Variants in SDCCAG8 observed in about 807,000 individuals in gnomAD.
SDCCAG8 encodes the protein SHH signaling and ciliogenesis regulator SDCCAG8, also known as serologically defined colon cancer antigen 8.
Under a neutral mutation model 101.8 loss-of-function variants are expected in SDCCAG8, and 74 were observed. That is an observed-to-expected ratio of 0.73 (90% CI 0.60 to 0.88). SDCCAG8 has a LOEUF of 0.88. Among genes scored for constraint, SDCCAG8 ranks in the 40% least tolerant of loss-of-function variants. SDCCAG8 has a pLI of 0.00. For synonymous variants in SDCCAG8, 281 were observed against 292.9 expected (o/e 0.96, Z 0.41); for missense variants, 787 against 822.6 (o/e 0.96, Z 0.53).
chr1:243,351,421 A>G lies in SDCCAG8; in HGVS notation c.1473+7090A>G, dbSNP rs192889235. ...TTCTAGTTGAGGAGTCAGAGTACAC[A>G]TTAGAACATGCCTTAAGAATACTTG... is the stretch of plus-strand genomic sequence containing the variant. On this transcript the variant is annotated intron_variant, in intron 12 of 17. Transcript: ENST00000366541. Among the ~76,000 whole-genome samples the G allele has an allele frequency of 2.6e-5, 4 of 152,372 alleles. No individual in the cohort carries two copies. In the East Asian group the frequency reaches 7.7e-4, roughly 29 times the overall value.
intron 5 of SDCCAG8, among the ~76,000 whole-genome samples, chr1:243,291,338 T>C (rs1306729824): frequency 1.3e-5 from 2 of 152,206 alleles, no homozygotes; most frequent in Non-Finnish European, 2.9e-5. Context: ...AACTCAGGCA[T>C]GTTTGGTTTG....
intron 5 of SDCCAG8, 47 bp downstream of exon 5, chr1:243,286,444 C>T (rs775828115): frequency 3.8e-6 from 6 of 1,598,278 alleles, no homozygotes; most frequent in Non-Finnish European, 5.1e-6. Flanking sequence ...GTGAATATTC[C>T]CTTCTGCCCT....
intron 17 of SDCCAG8, among the ~76,000 whole-genome samples, chr1:243,499,469 C>CATGTCCTA: frequency 6.6e-6 from 1 of 152,312 alleles, no homozygotes; most frequent in East Asian, 1.9e-4. Flanking sequence ...GCTCTCTGGC[C>CATGTCCTA]ATGTCCTAAC....
At chr1:243,467,230 G>A (rs1257490404) in intron 16 of SDCCAG8, among the ~76,000 whole-genome samples, 4 of 152,120 alleles carry the variant, frequency 2.6e-5, no homozygotes, top group East Asian at 1.9e-4. Flanking sequence ...TCATTTTTTT[G>A]TTTGTCTTTT....
At chr1:243,400,605 C>T (rs908947685) in intron 13 of SDCCAG8, among the ~76,000 whole-genome samples, 2 of 152,188 alleles carry the variant, frequency 1.3e-5, no homozygotes, top group African/African-American at 4.8e-5. Flanking sequence ...GCCAGAGTCA[C>T]GTTCCAAGTT....
At chr1:243,444,587 G>A (rs2082771890) in intron 16 of SDCCAG8, among the ~76,000 whole-genome samples, 1 of 152,036 alleles carries the variant, frequency 6.6e-6, no homozygotes, top group African/African-American at 2.4e-5. Context: ...GCCCAGGCTG[G>A]TCTCAGGCTG....
intron 9 of SDCCAG8, chr1:243,318,075 G>A: frequency 2.2e-6 from 1 of 456,554 alleles, no homozygotes; most frequent in South Asian, 1.5e-5. Flanking sequence ...TGGAATTGAT[G>A]GAATCAACCG....
Position 243,285,194 on chromosome 1 carries a change from T to C in SDCCAG8, c.421-1078T>C, listed in dbSNP as rs537424377. Among the ~76,000 whole-genome samples, 4 of 152,330 alleles carry C rather than the reference T, an allele frequency of 2.6e-5. No homozygotes were observed. The South Asian group carries it at 8.3e-4, about 32-fold the overall frequency. ...GCGCCCGGTCTGGAATTTTTAACTC[T>C]CAAACTTGCTGACACTGAGCTTCCA... On this transcript the variant is annotated intron_variant, in intron 4 of 17. Transcript: ENST00000366541.
intron 16 of SDCCAG8, among the ~76,000 whole-genome samples, chr1:243,470,267 G>T (rs60131673): frequency 0.042 from 6,393 of 152,156 alleles, 183 homozygotes; most frequent in Middle Eastern, 0.071. Context: ...TCCGCCTTTT[G>T]GGTTTTTGCT....
intron 13 of SDCCAG8, among the ~76,000 whole-genome samples, chr1:243,384,751 T>A (rs1027691106): frequency 3.3e-5 from 5 of 151,912 alleles, no homozygotes; most frequent in African/African-American, 1.2e-4. Flanking sequence ...AAGGCCATCC[T>A]GGGTAACATA....
At chr1:243,257,168 GAAAT>G (rs1378431772) in intron 1 of SDCCAG8, among the ~76,000 whole-genome samples, 3 of 152,292 alleles carry the variant, frequency 2.0e-5, no homozygotes, top group African/African-American at 7.2e-5. Context: ...CCTATAGTAA[GAAAT>G]AAATTTTATA....
intron 5 of SDCCAG8, among the ~76,000 whole-genome samples, chr1:243,291,983 G>C (rs575007064): frequency 1.2e-4 from 18 of 152,290 alleles, no homozygotes; most frequent in Non-Finnish European, 2.9e-5. Context: ...CACTTTGCTT[G>C]CTATTACTGG....
chr1:243,269,333 T>G (rs1176483964), intron 1 of SDCCAG8: 3 of 146,844 alleles, frequency 2.0e-5, no homozygotes, highest in Non-Finnish European at 3.0e-5. Flanking sequence ...TGAAACAGTC[T>G]CGCTCTCTTG....
At position 243,274,639 on chromosome 1, in the gene SDCCAG8, GAAGTT is replaced by G; in HGVS notation, c.409_413del (p.Lys137LeufsTer11). On this transcript the variant is annotated frameshift_variant, in exon 4 of 18. Transcript: ENST00000366541. LOFTEE classifies it high-confidence loss of function. ...TCAATATATTCATCATTTAGAGGCA[GAAGTT>G]AAGTTCTGCAAGGTAAGTTTCTCAT... is the stretch of plus-strand genomic sequence containing the variant. 6.3e-7 allele frequency: 1 copy of G among 1,596,094 alleles called. No homozygotes were observed. Among genetic ancestry groups the G allele is most frequent in the Non-Finnish European group, 8.6e-7 (1 of 1,164,368 alleles).
intron 16 of SDCCAG8, among the ~76,000 whole-genome samples, chr1:243,440,903 A>G (rs910374749): frequency 2.6e-5 from 4 of 152,130 alleles, no homozygotes; most frequent in African/African-American, 9.7e-5. Context: ...ATTAAAGTCA[A>G]TGTTTGGTTT....
intron 6 of SDCCAG8, among the ~76,000 whole-genome samples, chr1:243,298,299 C>G (rs2071156034): frequency 6.8e-6 from 1 of 147,132 alleles, no homozygotes; most frequent in East Asian, 2.0e-4. Flanking sequence ...AATCCGCCCG[C>G]TTTGGCCTCC....
chr1:243,317,827 G>C (rs1034841484), intron 9 of SDCCAG8, among the ~76,000 whole-genome samples: 4 of 152,194 alleles, frequency 2.6e-5, no homozygotes, highest in Admixed American at 2.6e-4. Flanking sequence ...TACAATTCAA[G>C]TTCTTAATGG....
intron 12 of SDCCAG8, among the ~76,000 whole-genome samples, chr1:243,357,176 G>A (rs1194340189): frequency 3.3e-5 from 5 of 152,084 alleles, no homozygotes; most frequent in South Asian, 4.1e-4. Context: ...TCTGGAGATC[G>A]AGACCATCCT....
At chr1:243,282,055 C>T (rs2069104926) in intron 4 of SDCCAG8, among the ~76,000 whole-genome samples, 1 of 152,136 alleles carries the variant, frequency 6.6e-6, no homozygotes, top group African/African-American at 2.4e-5. Flanking sequence ...TCCATCTTGG[C>T]CCACTGCAAC....
Sources: allele counts gnomAD v4.1 joint callset (sites outside exome capture counted in the v4.1 genomes callset), GRCh38; gene constraint gnomAD v4.1.1; transcripts MANE v1.5; gene names NCBI Gene and HGNC (gene_info 2026-07-23, HGNC 2026-07-21).